The following UBE2W variants were observed in gnomAD, a reference collection of about 807,000 sequenced individuals.
UBE2W encodes the protein ubiquitin-conjugating enzyme E2 W.
A neutral mutation model predicts 27.2 loss-of-function variants in UBE2W; 18 were observed. The ratio of observed to expected loss-of-function variants is 0.66; its 90% CI spans 0.46 to 0.98. The LOEUF (loss-of-function observed/expected upper bound fraction) is 0.98. UBE2W is among the 50% of genes least tolerant of loss of function. The probability of loss-of-function intolerance (pLI) is 0.00; values close to 1 mark genes in which losing one functional copy is unlikely to be tolerated. For missense variants in UBE2W, 90 were observed against 180.2 expected (o/e 0.50, Z 2.87); for synonymous variants, 53 against 57.2 (o/e 0.93, Z 0.33).
intron 1 of UBE2W, among the ~76,000 whole-genome samples, 175 bp from the exon 2 acceptor site, chr8:73,830,647 C>T (rs1457818174): frequency 1.3e-5 from 2 of 150,218 alleles, no homozygotes; most frequent in African/African-American, 5.0e-5. Context: ...CCACAATGCC[C>T]AGCTAATTTT....
intron 1 of UBE2W, among the ~76,000 whole-genome samples, chr8:73,877,357 CT>C (rs1207817192): frequency 1.3e-5 from 2 of 152,072 alleles, no homozygotes; most frequent in African/African-American, 4.8e-5. Flanking sequence ...TGTTTTTTCC[CT>C]GCACCATTCG....
intron 1 of UBE2W, among the ~76,000 whole-genome samples, chr8:73,838,086 T>C (rs1410226710): frequency 6.6e-6 from 1 of 152,204 alleles, no homozygotes; most frequent in Non-Finnish European, 1.5e-5. Context: ...TCTTCTAAGA[T>C]ACCCAAGGTT....
At chr8:73,812,064 T>C (rs1809173423) in intron 3 of UBE2W, among the ~76,000 whole-genome samples, 1 of 151,982 alleles carries the variant, frequency 6.6e-6, no homozygotes, top group South Asian at 2.1e-4. Flanking sequence ...TCTTCTAATA[T>C]TTCAAATATA....
rs1301468341 is a variant in UBE2W at position 73,793,784 on chromosome 8, T to C, written c.*318A>G. ...CGTACCAAAACCGCCAAGGAAGTCATTGTTATTGCACAATACATGAGGACC... is the reference window on the plus strand; with the variant it reads ...CGTACCAAAACCGCCAAGGAAGTCACTGTTATTGCACAATACATGAGGACC... On this transcript the variant is annotated 3_prime_UTR_variant, in exon 6 of 6. Coordinates refer to ENST00000602593, the MANE Select transcript of UBE2W (RefSeq NM_018299.6). The C allele has an allele frequency of 1.2e-5, 13 of 1,067,538 alleles. No individual in the cohort carries two copies. The highest frequency in any genetic ancestry group is 4.2e-4 in the Middle Eastern group (1 of 2,398). The allele number at this position is 1,067,538 out of a possible 1,614,324, so 66.1% of individuals were successfully genotyped here.
intron 1 of UBE2W, chr8:73,831,237 T>G (rs1810051987): frequency 6.1e-6 from 2 of 329,388 alleles, no homozygotes; most frequent in Non-Finnish European, 1.2e-5. Flanking sequence ...CATGAAAAGA[T>G]TAAGGAAATT....
At chr8:73,865,180 CAAAAAAAAAAAAAAA>C (rs11354153) in intron 1 of UBE2W, among the ~76,000 whole-genome samples, 3 of 32,854 alleles carry the variant, frequency 9.1e-5, no homozygotes, top group Admixed American at 1.1e-3. Flanking sequence ...GTGCAAACGT[CAAAAAAAAAAAAAAA>C]AAAAAAAAAA....
Position 73,876,157 on chromosome 8 carries a change from T to C in UBE2W, c.15+2651A>G, listed in dbSNP as rs73340485. Among the ~76,000 whole-genome samples the C allele has an allele frequency of 3.8e-3, 574 of 152,112 alleles. 3 individuals carry two copies. Among genetic ancestry groups the C allele is most frequent in the African/African-American group, 0.012 (496 of 41,474 alleles). ...TAAATCCATGAGGGCAGAAATCTTG[T>C]CTGCTTTTGTTCATTGCTATAACCA... On this transcript the variant is annotated intron_variant, in intron 1 of 5. Transcript: ENST00000602593.
intron 3 of UBE2W, among the ~76,000 whole-genome samples, chr8:73,822,526 T>C (rs945915136): frequency 3.7e-5 from 5 of 136,060 alleles, no homozygotes; most frequent in Admixed American, 2.6e-4. Flanking sequence ...ACATTCGAGC[T>C]GGCAACAGCA....
rs144359992 is a variant in UBE2W at position 73,839,600 on chromosome 8, T to C, written c.16-9128A>G. Among the ~76,000 whole-genome samples, 1,330 of 150,794 alleles carry C rather than the reference T, an allele frequency of 8.8e-3. 10 individuals are homozygous for C. The highest frequency in any genetic ancestry group is 0.011 in the Non-Finnish European group (765 of 67,812). On this transcript the variant is annotated intron_variant, in intron 1 of 5. Coordinates refer to ENST00000602593, the MANE Select transcript of UBE2W (RefSeq NM_018299.6). ...TGAACCCAGGAGGCAGAGTTTGCAG[T>C]GAGCCGAGATCACGCCACTGCACTC...
chr8:73,796,530 C>G, intron 5 of UBE2W: 1 of 568,584 alleles, frequency 1.8e-6, no homozygotes. Context: ...AACGTGCTAC[C>G]AAAATGATTA....
chr8:73,793,515 G>C lies in UBE2W; in HGVS notation c.*587C>G, dbSNP rs533915496. 1 of 985,848 alleles carries C rather than the reference G, an allele frequency of 1.0e-6. No homozygotes were observed. Among genetic ancestry groups the C allele is most frequent in the South Asian group, 4.7e-5 (1 of 21,282 alleles). 61.1% of individuals were successfully genotyped at this position (985,848 alleles called of 1,614,324 possible). A position where few individuals can be genotyped will look rare whatever the true frequency, so the allele number is the denominator to read the frequency against. On this transcript the variant is annotated 3_prime_UTR_variant, in exon 6 of 6. Transcript: ENST00000602593. ...ATAAACAATTCAATAAATATGCAAT[G>C]ATCTTTCATTACAGTCCTTTAAAGA...
At chr8:73,872,981 A>C (rs1812067863) in intron 1 of UBE2W, among the ~76,000 whole-genome samples, 1 of 150,298 alleles carries the variant, frequency 6.7e-6, no homozygotes, top group South Asian at 2.1e-4. Flanking sequence ...CGCTCACTGC[A>C]AGGCGCCTCC....
rs1194460750 is a variant in UBE2W, at chr8:73,790,109, G to A, written c.*3993C>T. On this transcript the variant is annotated 3_prime_UTR_variant, in exon 6 of 6. Transcript: ENST00000602593. ...GAAACTCCATGTATTTTATTTGTAG[G>A]AGAGCATTTTAAATTTTTCAAAAAT... 3.0e-6 allele frequency: 3 copies of A among 984,830 alleles called. No individual in the cohort carries two copies. Among genetic ancestry groups the A allele is most frequent in the South Asian group, 4.7e-5 (1 of 21,268 alleles). The allele number at this position is 984,830 out of a possible 1,614,324, so 61.0% of individuals were successfully genotyped here. A position where few individuals can be genotyped will look rare whatever the true frequency, so the allele number is the denominator to read the frequency against.
intron 3 of UBE2W, among the ~76,000 whole-genome samples, chr8:73,815,582 C>T (rs1302869101): frequency 1.6e-4 from 24 of 152,074 alleles, no homozygotes; most frequent in Non-Finnish European, 3.4e-4. Flanking sequence ...GTATCAGGTA[C>T]CTTTCTAATA....
Position 73,810,490 on chromosome 8 carries a change from G to C in UBE2W, c.350C>G (p.Ser117Cys). 1 of 1,611,200 alleles carries C rather than the reference G, an allele frequency of 6.2e-7. No individual in the cohort carries two copies. Among genetic ancestry groups the C allele is most frequent in the Non-Finnish European group, 8.5e-7 (1 of 1,179,244 alleles). Residue 117 changes from serine (S) to cysteine (C), a missense_variant, in exon 4 of 6, where the codon TCC becomes TGC. Transcript: ENST00000602593. ...SVCLSIISMLSSCKEKRRPPD... is the reference protein window; with the variant it reads ...SVCLSIISMLCSCKEKRRPPD... ...AAGTCTTACCTTTTCCTTGCAGCTG[G>C]AAAGCATGCTAATAATGCTAAGACA...
intron 1 of UBE2W, among the ~76,000 whole-genome samples, chr8:73,843,468 A>T (rs950064516): frequency 2.3e-4 from 35 of 152,088 alleles, no homozygotes; most frequent in African/African-American, 8.0e-4. Flanking sequence ...CCACATCTCT[A>T]CAAAAAAATA....
At chr8:73,810,313 C>T (rs184380910) in intron 4 of UBE2W, among the ~76,000 whole-genome samples, 161 bp downstream of exon 4, 123 of 152,228 alleles carry the variant, frequency 8.1e-4, no homozygotes, top group African/African-American at 2.9e-3. Context: ...TGAAAGGTAT[C>T]AAAATAACTT....
In UBE2W at chr8:73,790,300, A is replaced by C; in HGVS notation, c.*3802T>G. ...GAAGAAAAATAAAGGACAGATTTAAAACAATTTAAAAAGGACTACAAAGAG... is the reference window on the plus strand; with the variant it reads ...GAAGAAAAATAAAGGACAGATTTAACACAATTTAAAAAGGACTACAAAGAG... On this transcript the variant is annotated 3_prime_UTR_variant, in exon 6 of 6. Coordinates refer to ENST00000602593, the MANE Select transcript of UBE2W (RefSeq NM_018299.6). The C allele has an allele frequency of 1.0e-6, 1 of 985,414 alleles. No individual in the cohort carries two copies. Among genetic ancestry groups the C allele is most frequent in the Non-Finnish European group, 1.2e-6 (1 of 829,934 alleles). 61.0% of individuals were successfully genotyped at this position (985,414 alleles called of 1,614,324 possible). A position where few individuals can be genotyped will look rare whatever the true frequency, so the allele number is the denominator to read the frequency against.
At chr8:73,872,517 T>C (rs751953691) in intron 1 of UBE2W, among the ~76,000 whole-genome samples, 5 of 152,210 alleles carry the variant, frequency 3.3e-5, no homozygotes, top group Admixed American at 6.5e-5. Context: ...TAACCTAATT[T>C]CATTCTAATA....
Sources: gnomAD v4.1 joint callset for allele counts (sites outside exome capture counted in the v4.1 genomes callset) on GRCh38, gnomAD v4.1.1 for gene constraint, MANE v1.5 for transcripts, NCBI Gene and HGNC (gene_info 2026-07-23, HGNC 2026-07-21) for gene names.